LAMC3: variants seen among roughly 807,000 people sequenced by gnomAD.
LAMC3 encodes laminin subunit gamma 3.
Under a neutral mutation model 173.8 loss-of-function variants are expected in LAMC3, and 128 were observed. The observed-to-expected ratio is 0.74, with a 90% confidence interval of 0.64 to 0.85. LAMC3 has a LOEUF of 0.85. Ranked by LOEUF, LAMC3 falls within the 40% of genes least tolerant of loss-of-function variation. The pLI, the probability that LAMC3 is intolerant of heterozygous loss-of-function variation, is 0.00. For missense variants in LAMC3, 2,022 were observed against 2,156.0 expected, an observed-to-expected ratio of 0.94 and a Z score of 1.23; for synonymous variants, 897 against 909.1, an observed-to-expected ratio of 0.99 and a Z score of 0.24.
rs1238180726 is a variant in LAMC3 at position 131,069,715 on chromosome 9, C to T, written c.2934C>T (p.His978=). Residue 978 remains histidine (H), a synonymous_variant, in exon 17 of 28, where the codon CAC becomes CAT. Coordinates refer to ENST00000361069, the MANE Select transcript of LAMC3 (RefSeq NM_006059.4). ...TGGGCGCTGCCTCGGCCCAGTGCCA[C>T]GAGAACGGCACATGCGTGTGCAGGC... ...SPLGAASAQC[H]ENGTCVCRPG... is the part of the protein sequence containing the mutation. The T allele has an allele frequency of 1.8e-5, 29 of 1,604,150 alleles. No individual in the cohort carries two copies. The highest frequency in any genetic ancestry group is 5.3e-5 in the African/African-American group (4 of 74,768).
intron 12 of LAMC3, among the ~76,000 whole-genome samples, chr9:131,059,845 T>C (rs1564380560): frequency 6.6e-6 from 1 of 152,240 alleles, no homozygotes; most frequent in Non-Finnish European, 1.5e-5. Context: ...GTGCTGGGCC[T>C]AGGCTGGGAC....
chr9:131,033,702 G>A (rs902266693), intron 3 of LAMC3, among the ~76,000 whole-genome samples: 4 of 152,174 alleles, frequency 2.6e-5, no homozygotes, highest in South Asian at 4.1e-4. Flanking sequence ...GTCAGGAATC[G>A]AGGCGGGAGG....
intron 1 of LAMC3, among the ~76,000 whole-genome samples, chr9:131,014,366 C>T (rs974071003): frequency 2.0e-5 from 3 of 152,234 alleles, no homozygotes; most frequent in Non-Finnish European, 2.9e-5. Flanking sequence ...GCATGTCTGC[C>T]GATCCCTGTG....
In LAMC3 at chr9:131,092,098, G is replaced by C; in HGVS notation, c.*311G>C. The C allele has an allele frequency of 4.4e-6, 2 of 451,614 alleles. No homozygotes were observed. The highest frequency in any genetic ancestry group is 4.4e-5 in the South Asian group (2 of 45,616). The allele number at this position is 451,614 out of a possible 1,614,324, so 28.0% of individuals were successfully genotyped here. ...GCATGTCTGTGTGTATGACCCACAC[G>C]TGTTCAAGTCTAATCCATCCAGTCA... On this transcript the variant is annotated 3_prime_UTR_variant, in exon 28 of 28. Transcript: ENST00000361069.
intron 20 of LAMC3, among the ~76,000 whole-genome samples, chr9:131,074,200 G>A (rs183690828): frequency 0.011 from 1,649 of 150,892 alleles, 11 homozygotes; most frequent in Non-Finnish European, 0.017. Context: ...CACCTGTCTC[G>A]GCCTCCCAAA....
At chr9:131,049,667 C>G (rs1342797129) in intron 9 of LAMC3, among the ~76,000 whole-genome samples, 1 of 152,172 alleles carries the variant, frequency 6.6e-6, no homozygotes, top group Non-Finnish European at 1.5e-5. Context: ...CCCCGTTTTT[C>G]TGGTCATAGC....
intron 22 of LAMC3, among the ~76,000 whole-genome samples, chr9:131,077,547 C>T (rs758792808): frequency 2.6e-5 from 4 of 151,522 alleles, no homozygotes; most frequent in Non-Finnish European, 4.4e-5. Flanking sequence ...TGTGGTGGTG[C>T]GTGCCTGTAA....
At chr9:131,069,151 C>A (rs1829995623) in intron 16 of LAMC3, 101 bp downstream of exon 16, 5 of 1,370,536 alleles carry the variant, frequency 3.6e-6, no homozygotes, top group Non-Finnish European at 5.2e-6. Context: ...AGGAAAGGAT[C>A]GTCAGACATG....
At chr9:131,091,008 G>T (rs183328359) in intron 27 of LAMC3, among the ~76,000 whole-genome samples, 9 of 152,298 alleles carry the variant, frequency 5.9e-5, no homozygotes, top group Non-Finnish European at 1.3e-4. Flanking sequence ...ACAACAGAGC[G>T]AGACTCCGTC....
chr9:131,036,303 G>T lies in LAMC3; in HGVS notation c.947G>T (p.Gly316Val). Residue 316 changes from glycine (G) to valine (V), a missense_variant, in exon 4 of 28, where the codon GGC (glycine) becomes GTC (valine). Transcript: ENST00000361069. ...PFFQDRPWAR[G>V]TAEAAHECLP... ...TTCCAGGACCGCCCGTGGGCCCGGGGCACCGCCGAGGCTGCCCACGAGTGT... is the reference window on the plus strand; with the variant it reads ...TTCCAGGACCGCCCGTGGGCCCGGGTCACCGCCGAGGCTGCCCACGAGTGT... 2 of 1,613,224 alleles carry T rather than the reference G, an allele frequency of 1.2e-6. No individual in the cohort carries two copies. Among genetic ancestry groups the T allele is most frequent in the Non-Finnish European group, 1.7e-6 (2 of 1,179,888 alleles).
intron 12 of LAMC3, among the ~76,000 whole-genome samples, chr9:131,058,880 G>A (rs1293442913): frequency 2.1e-5 from 3 of 140,654 alleles, no homozygotes; most frequent in African/African-American, 8.4e-5. Flanking sequence ...GGTGACAAGA[G>A]CAAGACTCCA....
intron 21 of LAMC3, 146 bp downstream of exon 21, chr9:131,076,111 G>A (rs981303663): frequency 2.4e-5 from 20 of 848,406 alleles, no homozygotes; most frequent in African/African-American, 1.2e-4. Context: ...CATCCTCCTC[G>A]GAGTGGGGCC....
chr9:131,071,359 G>A, intron 17 of LAMC3, 125 bp from the exon 18 acceptor site: 1 of 1,102,206 alleles, frequency 9.1e-7, no homozygotes, highest in Non-Finnish European at 1.3e-6. Context: ...TTAGCGCTGA[G>A]GCCCAGGGGA....
rs1554789398 is a variant in LAMC3 at position 131,068,991 on chromosome 9, GC to G, written c.2833del (p.Gln945ArgfsTer76). 6.2e-7 allele frequency: 1 copy of G among 1,614,072 alleles called. No homozygotes were observed. Among genetic ancestry groups the G allele is most frequent in the Non-Finnish European group, 8.5e-7 (1 of 1,180,008 alleles). ...TGCACCTGCCGCCCAGGTGTCACAG[GC>G]CAGGCCTGTGACAGGTGCCAGCTGG... ...GQCTCRPGVT[G>X]QACDRCQLGF... On this transcript the variant is annotated frameshift_variant, in exon 16 of 28. Transcript: ENST00000361069. LOFTEE classifies it high-confidence loss of function.
chr9:131,055,414 C>A (rs1206283577), intron 11 of LAMC3, among the ~76,000 whole-genome samples: 2 of 124,308 alleles, frequency 1.6e-5, no homozygotes, highest in Non-Finnish European at 1.7e-5. Context: ...ACTCTTTTTT[C>A]TTTTCTTTCT....
At chr9:131,039,775 G>A (rs371827920) in intron 6 of LAMC3, among the ~76,000 whole-genome samples, 67 of 152,032 alleles carry the variant, frequency 4.4e-4, no homozygotes, top group African/African-American at 1.5e-3. Flanking sequence ...GCTGACCTTC[G>A]GGGTTCTCTG....
At chr9:131,045,112 C>T (rs1239356116) in intron 7 of LAMC3, among the ~76,000 whole-genome samples, 1 of 151,694 alleles carries the variant, frequency 6.6e-6, no homozygotes, top group Non-Finnish European at 1.5e-5. Context: ...ATCCCAGCTA[C>T]CCGGGAGGCT....
intron 27 of LAMC3, among the ~76,000 whole-genome samples, chr9:131,090,425 T>G (rs1009137101): frequency 1.3e-5 from 2 of 152,228 alleles, no homozygotes; most frequent in Non-Finnish European, 2.9e-5. Flanking sequence ...AAGACCAGGC[T>G]GTTTGGATTT....
At chr9:131,032,437 T>TCCTCCCTC (rs962434842) in intron 3 of LAMC3, among the ~76,000 whole-genome samples, 15 of 150,876 alleles carry the variant, frequency 9.9e-5, no homozygotes, top group Non-Finnish European at 1.6e-4. Flanking sequence ...GTTCCTTCCT[T>TCCTCCCTC]CCTCCCTCCC....
Sources: allele counts gnomAD v4.1 joint callset (sites outside exome capture counted in the v4.1 genomes callset), GRCh38; gene constraint gnomAD v4.1.1; transcripts MANE v1.5; gene names NCBI Gene and HGNC (gene_info 2026-07-23, HGNC 2026-07-21).